Variants in PPRC1 observed in about 807,000 individuals in gnomAD.
PPRC1 encodes the protein PPARG related coactivator 1.
A neutral mutation model predicts 132.5 loss-of-function variants in PPRC1; 23 were observed. The ratio of observed to expected loss-of-function variants is 0.17; its 90% CI spans 0.12 to 0.25. The LOEUF (loss-of-function observed/expected upper bound fraction) is 0.25, where lower values mean the gene tolerates loss of function less well. Among genes scored for constraint, PPRC1 ranks in the 10% least tolerant of loss-of-function variants. The pLI, the probability that PPRC1 is intolerant of heterozygous loss-of-function variation, is 1.00. For synonymous variants in PPRC1, 872 were observed against 833.5 expected, an observed-to-expected ratio of 1.05 and a Z score of -0.80; for missense variants, 2,006 against 2,089.1, an observed-to-expected ratio of 0.96 and a Z score of 0.78.
the PPRC1 span, among the ~76,000 whole-genome samples, chr10:102,125,867 T>C: frequency 2.0e-5 from 3 of 150,350 alleles, no homozygotes; most frequent in Non-Finnish European, 4.5e-5. Flanking sequence ...TTCTTTTCTT[T>C]TTTTTTTTTT....
Position 102,140,705 on chromosome 10 carries a change from C to G in PPRC1, c.2197C>G (p.Leu733Val). 1.2e-6 allele frequency: 2 copies of G among 1,614,054 alleles called. No individual in the cohort carries two copies. The highest frequency in any genetic ancestry group is 8.5e-7 in the Non-Finnish European group (1 of 1,180,022). The change falls in exon 5 of 14, where the codon CTG (leucine) becomes GTG (valine). Residue 733 changes from leucine (L) to valine (V), a missense_variant. Transcript: ENST00000278070. ...IPEVKEVVDS[L>V]KIESGTSATT... ...TGAAGTCAAAGAGGTTGTGGATTCT[C>G]TGAAAATTGAAAGTGGTACCAGTGC...
chr10:102,132,523 C>G (rs2068562495), upstream of PPRC1, among the ~76,000 whole-genome samples: 1 of 152,224 alleles, frequency 6.6e-6, no homozygotes, highest in African/African-American at 2.4e-5. Flanking sequence ...ACGTAAGTTT[C>G]TGAGTAGTAG....
At chr10:102,129,761 C>T (rs868302945), upstream of PPRC1, among the ~76,000 whole-genome samples, 3 of 152,128 alleles carry the variant, frequency 2.0e-5, no homozygotes, top group South Asian at 4.2e-4. Flanking sequence ...GGCGCCACCA[C>T]GCTTGGCTAA....
the PPRC1 span, chr10:102,120,598 C>A: frequency 6.1e-6 from 1 of 164,594 alleles, no homozygotes; most frequent in Non-Finnish European, 1.3e-5. Context: ...CGACGACGTG[C>A]GTGCGCCGCG....
chr10:102,147,079 G>A lies in PPRC1; in HGVS notation c.4087G>A (p.Ala1363Thr). The change falls in exon 9 of 14, where the codon GCA becomes ACA. Residue 1363 changes from alanine to threonine, a missense_variant. Physicochemically the swap from Ala to Thr is moderately conservative, Grantham distance 58. Around this residue, in one of 2 missense-constraint regions of PPRC1, gnomAD observed 1,914 missense variants for 1,917.2 expected, o/e 1.00. Coordinates refer to ENST00000278070, the MANE Select transcript of PPRC1 (RefSeq NM_015062.5). ...PLDHRTSSEQADPSAPCLAPS... is the reference protein window; with the variant it reads ...PLDHRTSSEQTDPSAPCLAPS... ...TGATCACAGGACTAGCAGTGAGCAG[G>A]CAGATCCCTCAGCACCCTGCCTTGC... 10 of 1,614,156 alleles carry A rather than the reference G, an allele frequency of 6.2e-6. No individual in the cohort carries two copies. The highest frequency in any genetic ancestry group is 8.5e-6 in the Non-Finnish European group (10 of 1,180,028).
upstream of PPRC1, among the ~76,000 whole-genome samples, chr10:102,129,153 G>C (rs61874817): frequency 6.6e-6 from 1 of 150,874 alleles, no homozygotes; most frequent in African/African-American, 2.4e-5. Context: ...GGATGGTCTC[G>C]ATCTCCTGAC....
At position 102,141,032 on chromosome 10, in the gene PPRC1, T is replaced by C; in HGVS notation, c.2524T>C (p.Ser842Pro). Reference protein sequence around the residue: ...EPPVSKPVASSPTEQVPSQEM... With the variant: ...EPPVSKPVASPPTEQVPSQEM... ...ACCTGTAAGCAAACCTGTGGCCTCA[T>C]CTCCCACTGAGCAGGTGCCATCCCA... Residue 842 changes from serine (S) to proline (P), a missense_variant, in exon 5 of 14, where the codon TCT becomes CCT. This residue lies in a region of PPRC1 where 1,914 missense variants were observed against 1,917.2 expected (regional missense o/e 1.00). Transcript: ENST00000278070. 1.9e-6 allele frequency: 3 copies of C among 1,614,116 alleles called. No individual in the cohort carries two copies. The highest frequency in any genetic ancestry group is 2.5e-6 in the Non-Finnish European group (3 of 1,180,016).
intron 1 of PPRC1, among the ~76,000 whole-genome samples, chr10:102,135,093 C>A (rs571204781): frequency 6.6e-6 from 1 of 152,016 alleles, no homozygotes; most frequent in South Asian, 2.1e-4. Context: ...CAGGATAGAC[C>A]GATGATAAAT....
rs114962937 is a variant in PPRC1, at chr10:102,135,737, G to A, written c.154-2113G>A. On this transcript the variant is annotated intron_variant, in intron 1 of 13. Transcript: ENST00000278070. ...TAAGAGCAGTAAAATGCCATTGAAG[G>A]GATTTAGGGAGGGTCTCAGGCAGTG... 6.6e-4 allele frequency among the ~76,000 whole-genome samples: 101 copies of A among 152,278 alleles called. 1 individual carries two copies. Among genetic ancestry groups the A allele is most frequent in the Middle Eastern group, 6.8e-3 (2 of 294 alleles).
chr10:102,121,255 C>A, the PPRC1 span, among the ~76,000 whole-genome samples: 1 of 152,120 alleles, frequency 6.6e-6, no homozygotes, highest in Non-Finnish European at 1.5e-5. Flanking sequence ...CCCTTCCCCC[C>A]TTTCTCCAGC....
At position 102,133,163 on chromosome 10, in the gene PPRC1, G is replaced by T. The variant is rs2068583999; in HGVS notation, c.95G>T (p.Trp32Leu). ...GGCGGGGGAGCCCGCGGCAGTGGTT[G>T]GGGAAGTCGAAGCCAAGCGCCGTAT... ...DPGGGARGSGWGSRSQAPYGT... is the reference protein window; with the variant it reads ...DPGGGARGSGLGSRSQAPYGT... Residue 32 changes from tryptophan (W) to leucine (L), a missense_variant, in exon 1 of 14, where the codon TGG (tryptophan) becomes TTG (leucine). Around this residue, in one of 2 missense-constraint regions of PPRC1, gnomAD observed 1,914 missense variants for 1,917.2 expected, o/e 1.00. Transcript: ENST00000278070. 7.9e-7 allele frequency: 1 copy of T among 1,268,274 alleles called. No individual in the cohort carries two copies. The allele number at this position is 1,268,274 out of a possible 1,614,324, so 78.6% of individuals were successfully genotyped here.
chr10:102,145,394 C>T (rs988589239), intron 8 of PPRC1, among the ~76,000 whole-genome samples: 1 of 151,858 alleles, frequency 6.6e-6, no homozygotes, highest in Non-Finnish European at 1.5e-5. Flanking sequence ...ATGGTGAAAC[C>T]CTATCTCTAC....
the PPRC1 span, chr10:102,120,140 C>A: frequency 2.3e-6 from 3 of 1,311,442 alleles, no homozygotes; most frequent in Non-Finnish European, 2.9e-6. Context: ...GGGGGCCCAG[C>A]CGAGTCACGG....
At chr10:102,138,175 T>C in intron 2 of PPRC1, 137 bp downstream of exon 2, 2 of 908,508 alleles carry the variant, frequency 2.2e-6, no homozygotes. Flanking sequence ...TTGAAGTGTA[T>C]TTTTTGTCTC....
rs1180217871 is a variant in PPRC1 at position 102,140,855 on chromosome 10, C to T, written c.2347C>T (p.Pro783Ser). The stretch of plus-strand genomic sequence containing the variant: ...CCCAACTGGGAAGTGGCCTAGCCTT[C>T]CAGAGACTCCCACAGGGCTGGCAGA... ...QPPTGKWPSL[P>S]ETPTGLADIP... The change falls in exon 5 of 14, where the codon CCA becomes TCA. Residue 783 changes from proline to serine, a missense_variant. Physicochemically the swap from Pro to Ser is moderately conservative, Grantham distance 74. This residue lies in a region of PPRC1 where 1,914 missense variants were observed against 1,917.2 expected (regional missense o/e 1.00). Coordinates refer to ENST00000278070, the MANE Select transcript of PPRC1 (RefSeq NM_015062.5). 1 of 1,613,968 alleles carries T rather than the reference C, an allele frequency of 6.2e-7. No homozygotes were observed. Among genetic ancestry groups the T allele is most frequent in the Non-Finnish European group, 8.5e-7 (1 of 1,180,034 alleles).
At position 102,149,123 on chromosome 10, in the gene PPRC1, T is replaced by C. The variant is rs2069401805; in HGVS notation, c.4740-55T>C. 6 of 1,537,342 alleles carry C rather than the reference T, an allele frequency of 3.9e-6. No homozygotes were observed. In the East Asian group the frequency reaches 1.4e-4, roughly 35 times the overall value. On this transcript the variant is annotated intron_variant, in intron 12 of 13. Coordinates refer to ENST00000278070, the MANE Select transcript of PPRC1 (RefSeq NM_015062.5). ...GTACCTTGGGATGCTGTGTCTCCTC[T>C]ATGGCATGGGCCCATATAGCCACTC...
chr10:102,139,939 G>A lies in PPRC1; in HGVS notation c.1431G>A (p.Arg477=), dbSNP rs1564938283. 6.2e-7 allele frequency: 1 copy of A among 1,614,246 alleles called. No homozygotes were observed. Among genetic ancestry groups the A allele is most frequent in the Non-Finnish European group, 8.5e-7 (1 of 1,180,046 alleles). The change falls in exon 5 of 14, where the codon AGG becomes AGA. Residue 477 remains arginine, a synonymous_variant. Transcript: ENST00000278070. The stretch of plus-strand genomic sequence containing the variant: ...CAGCCTGTGTGGAAGGCTATGCCAG[G>A]AGGCTGAGGTCATCTTCTCGCGGGC... ...QPAACVEGYA[R]RLRSSSRGQS...
chr10:102,120,477 G>T, the PPRC1 span: 2 of 806,050 alleles, frequency 2.5e-6, no homozygotes, highest in Non-Finnish European at 3.0e-6. Context: ...TCGCGCCGGC[G>T]CCGGCTCCCC....
At position 102,138,627 on chromosome 10, in the gene PPRC1, A is replaced by G; in HGVS notation, c.351A>G (p.Leu117=). 6.2e-7 allele frequency: 1 copy of G among 1,614,152 alleles called. No individual in the cohort carries two copies. The change falls in exon 3 of 14, where the codon TTA becomes TTG. Residue 117 remains leucine, a synonymous_variant. Transcript: ENST00000278070. ...TTGTTTTTCTGGAGCAGAGCAGGTT[A>G]TCTCTGGAGGACCAGAATGAAGTGT... ...EDFGSLGESR[L]SLEDQNEVSL... is the part of the protein sequence containing the mutation.
Sources: gnomAD v4.1 joint callset for allele counts (sites outside exome capture counted in the v4.1 genomes callset) on GRCh38, gnomAD v4.1.1 for gene constraint, gnomAD v4.1.1 regional missense constraint, MANE v1.5 for transcripts, NCBI Gene and HGNC (gene_info 2026-07-23, HGNC 2026-07-21) for gene names.